The following UQCC1 variants were observed in gnomAD, a reference collection of about 807,000 sequenced individuals.
The protein encoded by UQCC1 is bFGF-repressed Zic-binding protein.
A neutral mutation model predicts 48.0 loss-of-function variants in UQCC1; 38 were observed. The observed-to-expected ratio is 0.79, with a 90% CI of 0.61 to 1.04. The LOEUF is 1.04. Among genes scored for constraint, UQCC1 ranks in the 50% least tolerant of loss-of-function variants. UQCC1 has a pLI of 0.00. For synonymous variants in UQCC1, 111 were observed against 129.2 expected (o/e 0.86, Z 0.95); for missense variants, 368 against 381.8 (o/e 0.96, Z 0.30).
intron 8 of UQCC1, among the ~76,000 whole-genome samples, chr20:35,313,716 A>G (rs372311965): frequency 6.6e-6 from 1 of 150,376 alleles, no homozygotes; most frequent in East Asian, 2.0e-4. Context: ...CAGGTTCAAG[A>G]GACTCCGCCT....
chr20:35,347,931 G>T (rs1264073420), intron 6 of UQCC1, among the ~76,000 whole-genome samples: 2 of 152,074 alleles, frequency 1.3e-5, no homozygotes, highest in Non-Finnish European at 2.9e-5. Context: ...GTAGATACTA[G>T]AAAATTTTAA....
chr20:35,382,512 C>CTT (rs1162371421), intron 3 of UQCC1, among the ~76,000 whole-genome samples: 48 of 108,280 alleles, frequency 4.4e-4, no homozygotes, highest in Non-Finnish European at 5.8e-4. Flanking sequence ...TTTCTTTTTT[C>CTT]TTTTTTTTTT....
Position 35,314,727 on chromosome 20 carries a change from C to A in UQCC1, c.612G>T (p.Met204Ile). Residue 204 changes from methionine (M) to isoleucine (I), a missense_variant, in exon 8 of 10, where the codon ATG becomes ATT. Physicochemically the swap from Met to Ile is conservative, Grantham distance 10. Coordinates refer to ENST00000374385, the MANE Select transcript of UQCC1 (RefSeq NM_018244.5). ...PYILKKNMILMTNHFYAAILG... is the reference protein window; with the variant it reads ...PYILKKNMILITNHFYAAILG... ...AGATCGCTGCATAGAAATGATTTGT[C>A]ATGAGGATCATGTTCTTCTTCAGGA... The A allele has an allele frequency of 6.2e-7, 1 of 1,608,540 alleles. No homozygotes were observed. The highest frequency in any genetic ancestry group is 1.1e-5 in the South Asian group (1 of 90,630).
chr20:35,319,699 A>C (rs2061101240), intron 7 of UQCC1, among the ~76,000 whole-genome samples: 1 of 152,242 alleles, frequency 6.6e-6, no homozygotes, highest in Non-Finnish European at 1.5e-5. Context: ...TCGGCAGATT[A>C]ATGAATGAGA....
intron 1 of UQCC1, among the ~76,000 whole-genome samples, chr20:35,396,844 A>G (rs2146521926): frequency 6.6e-6 from 1 of 152,320 alleles, no homozygotes; most frequent in South Asian, 2.1e-4. Flanking sequence ...AGCACTGGAA[A>G]TCTTAATTTT....
intron 1 of UQCC1, among the ~76,000 whole-genome samples, chr20:35,407,235 C>T (rs765014955): frequency 1.6e-4 from 24 of 152,096 alleles, no homozygotes; most frequent in Non-Finnish European, 3.2e-4. Context: ...TGAGACCAGC[C>T]TGGCCAACAT....
chr20:35,406,897 C>T (rs980303403), intron 1 of UQCC1, among the ~76,000 whole-genome samples: 2 of 152,122 alleles, frequency 1.3e-5, no homozygotes, highest in Non-Finnish European at 1.5e-5. Context: ...AAATGAAGTT[C>T]GTATTAATCC....
Position 35,367,726 on chromosome 20 carries a change from C to T in UQCC1, c.407-1112G>A, listed in dbSNP as rs58344155. 3.5e-3 allele frequency among the ~76,000 whole-genome samples: 537 copies of T among 152,158 alleles called. 1 individual carries two copies. The highest frequency in any genetic ancestry group is 9.2e-3 in the African/African-American group (383 of 41,492). Reference sequence around the variant, plus strand: ...AGTGAGCCAAGATCATTTAACTGTACTCACGCCTGAGTGACACAGCAAGAC... The same window carrying T: ...AGTGAGCCAAGATCATTTAACTGTATTCACGCCTGAGTGACACAGCAAGAC... On this transcript the variant is annotated intron_variant, in intron 5 of 9. Coordinates refer to ENST00000374385, the MANE Select transcript of UQCC1 (RefSeq NM_018244.5).
intron 5 of UQCC1, among the ~76,000 whole-genome samples, chr20:35,367,992 G>A (rs2061688734): frequency 6.6e-6 from 1 of 152,168 alleles, no homozygotes; most frequent in Non-Finnish European, 1.5e-5. Context: ...CCTGCTGGAT[G>A]AGGGGTCTCC....
intron 5 of UQCC1, among the ~76,000 whole-genome samples, chr20:35,372,507 G>GT (rs2146456782): frequency 6.6e-6 from 1 of 152,248 alleles, no homozygotes; most frequent in African/African-American, 2.4e-5. Flanking sequence ...TGGTATTTCA[G>GT]TTTTTGGTGT....
At chr20:35,410,775 A>C (rs1158927556) in intron 1 of UQCC1, among the ~76,000 whole-genome samples, 2 of 146,010 alleles carry the variant, frequency 1.4e-5, no homozygotes, top group Non-Finnish European at 1.5e-5. Flanking sequence ...AAAAAAAAAA[A>C]AACCACTAAA....
chr20:35,327,067 A>C (rs1024421823), intron 7 of UQCC1, among the ~76,000 whole-genome samples: 3 of 152,008 alleles, frequency 2.0e-5, no homozygotes, highest in Non-Finnish European at 1.5e-5. Context: ...AGATGGCAAC[A>C]TTTTCTCAGA....
chr20:35,393,203 T>A (rs1347193230), intron 2 of UQCC1, among the ~76,000 whole-genome samples: 1 of 152,086 alleles, frequency 6.6e-6, no homozygotes, highest in Non-Finnish European at 1.5e-5. Context: ...AGGTATGCCT[T>A]CCTAGGAATT....
At chr20:35,407,182 CT>C (rs1466667216) in intron 1 of UQCC1, among the ~76,000 whole-genome samples, 4 of 152,168 alleles carry the variant, frequency 2.6e-5, no homozygotes, top group Admixed American at 2.0e-4. Context: ...AACCCCAGCA[CT>C]CTGGGAGGCT....
At chr20:35,308,344 G>C (rs1029893822) in intron 8 of UQCC1, among the ~76,000 whole-genome samples, 2 of 152,396 alleles carry the variant, frequency 1.3e-5, no homozygotes, top group South Asian at 2.1e-4. Context: ...TCACCCTTCT[G>C]CAAACGATTT....
chr20:35,308,166 TG>T (rs1161331799), intron 8 of UQCC1, among the ~76,000 whole-genome samples: 2 of 152,262 alleles, frequency 1.3e-5, no homozygotes, highest in Non-Finnish European at 2.9e-5. Flanking sequence ...ATGTCCAGTA[TG>T]GGGTGCTGAC....
rs979117797 is a variant in UQCC1 at position 35,401,348 on chromosome 20, G to A, written c.25-7152C>T. Among the ~76,000 whole-genome samples, 9 of 152,118 alleles carry A rather than the reference G, an allele frequency of 5.9e-5. 1 individual carries two copies. The highest frequency in any genetic ancestry group is 2.2e-4 in the African/African-American group (9 of 41,414). ...GATAGCGTTTCCATACTACACTTGG[G>A]TGACATTTTAAAGATGGGATTCACC... On this transcript the variant is annotated intron_variant, in intron 1 of 9. Transcript: ENST00000374385.
intron 6 of UQCC1, among the ~76,000 whole-genome samples, chr20:35,357,586 C>T (rs558223155): frequency 3.4e-5 from 5 of 148,980 alleles, no homozygotes; most frequent in East Asian, 2.0e-4. Flanking sequence ...GCAGGAGAAT[C>T]GCTTGAGCCC....
At chr20:35,400,420 T>C (rs1049399605) in intron 1 of UQCC1, among the ~76,000 whole-genome samples, 2 of 152,022 alleles carry the variant, frequency 1.3e-5, no homozygotes, top group Admixed American at 1.3e-4. Context: ...TTAAGATAAA[T>C]GCACTGTTAC....
Sources: gnomAD v4.1 joint callset for allele counts (sites outside exome capture counted in the v4.1 genomes callset) on GRCh38, gnomAD v4.1.1 for gene constraint, MANE v1.5 for transcripts, NCBI Gene and HGNC (gene_info 2026-07-23, HGNC 2026-07-21) for gene names.